The following UBE2Q1 variants were observed in gnomAD, a reference collection of about 807,000 sequenced individuals.
UBE2Q1 encodes ubiquitin-conjugating enzyme E2 Q1.
A neutral mutation model predicts 60.1 loss-of-function variants in UBE2Q1; 6 were observed. That is an observed-to-expected ratio of 0.10 (90% CI 0.05 to 0.20). The LOEUF (loss-of-function observed/expected upper bound fraction) is 0.20, where lower values mean the gene tolerates loss of function less well. Among genes scored for constraint, UBE2Q1 ranks in the 10% least tolerant of loss-of-function variants. UBE2Q1 has a pLI of 1.00. For synonymous variants in UBE2Q1, 226 were observed against 208.3 expected (o/e 1.09, Z -0.73); for missense variants, 262 against 525.8 (o/e 0.50, Z 4.91).
intron 10 of UBE2Q1, 21 bp downstream of exon 10, chr1:154,551,750 A>G: frequency 6.2e-7 from 1 of 1,614,124 alleles, no homozygotes; most frequent in Non-Finnish European, 8.5e-7. Flanking sequence ...CGGCCTGGCC[A>G]AGGAGGAGAG....
In UBE2Q1 at chr1:154,553,095, A is replaced by G. The variant is rs377041000; in HGVS notation, c.666T>C (p.Ile222=). The G allele has an allele frequency of 2.1e-4, 346 of 1,613,958 alleles. No individual in the cohort carries two copies. The highest frequency in any genetic ancestry group is 2.7e-4 in the Non-Finnish European group (323 of 1,180,032). The change falls in exon 5 of 13, where the codon ATT becomes ATC. Residue 222 remains isoleucine, a synonymous_variant. Coordinates refer to ENST00000292211, the MANE Select transcript of UBE2Q1 (RefSeq NM_017582.7). ...AEGKKSEDDG[I]GKENLAILEK... ...CTAGGATGGCCAAGTTTTCTTTTCC[A>G]ATGCCATCATCTTCAGATTTCTTGC...
chr1:154,551,289 C>T (rs967223989), intron 11 of UBE2Q1, 108 bp downstream of exon 11: 11 of 1,202,564 alleles, frequency 9.1e-6, no homozygotes, highest in South Asian at 1.3e-5. Context: ...GCCACCAGCC[C>T]GGGGGCCTTA....
chr1:154,556,449 CTG>C (rs773419277), intron 1 of UBE2Q1, among the ~76,000 whole-genome samples: 35 of 152,338 alleles, frequency 2.3e-4, no homozygotes, highest in East Asian at 2.1e-3. Context: ...AAAAACTAGA[CTG>C]TATCTCCAGA....
Position 154,551,514 on chromosome 1 carries a change from G to T in UBE2Q1, c.1075-22C>A, listed in dbSNP as rs368489560. 4.2e-4 allele frequency: 672 copies of T among 1,611,322 alleles called. 2 individuals are homozygous for T. Among genetic ancestry groups the T allele is most frequent in the Non-Finnish European group, 5.3e-4 (626 of 1,177,766 alleles). ...AGCCCTGGGTGAAGGGAAGGACAAGGCAAGCAGGTCCAGATGGAGCTTCCA... is the reference window on the plus strand; with the variant it reads ...AGCCCTGGGTGAAGGGAAGGACAAGTCAAGCAGGTCCAGATGGAGCTTCCA... On this transcript the variant is annotated intron_variant, in intron 10 of 12. Transcript: ENST00000292211.
intron 1 of UBE2Q1, among the ~76,000 whole-genome samples, chr1:154,556,726 T>C (rs1174746159): frequency 1.3e-5 from 2 of 152,188 alleles, no homozygotes; most frequent in Non-Finnish European, 2.9e-5. Context: ...CAAGTCTCCT[T>C]TATAGCCATG....
chr1:154,557,450 G>T (rs114697639), intron 1 of UBE2Q1, among the ~76,000 whole-genome samples: 2,282 of 152,308 alleles, frequency 0.015, 47 homozygotes, highest in African/African-American at 0.052. Flanking sequence ...GTATGCCTAG[G>T]ATGGAATGAC....
intron 3 of UBE2Q1, 21 bp downstream of exon 3, chr1:154,555,407 C>G (rs200486029): frequency 1.9e-6 from 3 of 1,609,312 alleles, no homozygotes; most frequent in African/African-American, 2.7e-5. Flanking sequence ...CAACAGGGCC[C>G]GAGGCTCCTC....
chr1:154,550,568 G>A (rs951599856), intron 12 of UBE2Q1, 99 bp from the exon 13 acceptor site: 5 of 1,587,352 alleles, frequency 3.1e-6, no homozygotes, highest in African/African-American at 2.7e-5. Flanking sequence ...GAGATAAGAG[G>A]ATATTGGGGA....
rs1368161927 is a variant in UBE2Q1, at chr1:154,551,194, G to A, written c.1171-190C>T. ...CCCATAGTCTTCCTTTTCCAGACCCGAAACCTCCCAAAAGTCCTAGGGGTG... is the reference window on the plus strand; with the variant it reads ...CCCATAGTCTTCCTTTTCCAGACCCAAAACCTCCCAAAAGTCCTAGGGGTG... On this transcript the variant is annotated intron_variant, in intron 11 of 12. Coordinates refer to ENST00000292211, the MANE Select transcript of UBE2Q1 (RefSeq NM_017582.7). 8 of 848,468 alleles carry A rather than the reference G, an allele frequency of 9.4e-6. No homozygotes were observed. In the Admixed American group the frequency reaches 1.0e-4, roughly 11 times the overall value. 52.6% of individuals were successfully genotyped at this position (848,468 alleles called of 1,614,324 possible).
Position 154,549,953 on chromosome 1 carries a change from T to A in UBE2Q1, c.*485A>T, listed in dbSNP as rs1007136067. The stretch of plus-strand genomic sequence containing the variant: ...CAGGGGATGGGGTGGGATGTGCGAA[T>A]AAAAATAAAGATGAGTCAAGACCAG... On this transcript the variant is annotated 3_prime_UTR_variant, in exon 13 of 13. Coordinates refer to ENST00000292211, the MANE Select transcript of UBE2Q1 (RefSeq NM_017582.7). The A allele has an allele frequency of 1.3e-5, 2 of 153,128 alleles. No homozygotes were observed. The highest frequency in any genetic ancestry group is 4.8e-5 in the African/African-American group (2 of 41,470). 9.5% of individuals were successfully genotyped at this position (153,128 alleles called of 1,614,324 possible).
At chr1:154,554,123 C>G (rs1695842741) in intron 4 of UBE2Q1, among the ~76,000 whole-genome samples, 1 of 152,194 alleles carries the variant, frequency 6.6e-6, no homozygotes, top group Non-Finnish European at 1.5e-5. Context: ...ACCACCATCA[C>G]TCATTATTCT....
In UBE2Q1 at chr1:154,549,712, C is replaced by G. The variant is rs1247912548; in HGVS notation, c.*726G>C. ...GAAAAGTAGTCCTAAGAATTAACAC[C>G]ATCGTTTCAGCCTACCACATTGTAG... On this transcript the variant is annotated 3_prime_UTR_variant, in exon 13 of 13. Transcript: ENST00000292211. 2.0e-5 allele frequency: 3 copies of G among 152,622 alleles called. No homozygotes were observed. The highest frequency in any genetic ancestry group is 2.9e-5 in the Non-Finnish European group (2 of 68,040). 9.5% of individuals were successfully genotyped at this position (152,622 alleles called of 1,614,324 possible). A position where few individuals can be genotyped will look rare whatever the true frequency, so the allele number is the denominator to read the frequency against.
chr1:154,550,268 T>C lies in UBE2Q1; in HGVS notation c.*170A>G, dbSNP rs1054395053. ...TACTTGAAACAGTTCTGTGTTTGTT[T>C]TTTTTCCTTAGCGTTTAGAATAGCC... is the stretch of plus-strand genomic sequence containing the variant. On this transcript the variant is annotated 3_prime_UTR_variant, in exon 13 of 13. Coordinates refer to ENST00000292211, the MANE Select transcript of UBE2Q1 (RefSeq NM_017582.7). The C allele has an allele frequency of 6.4e-6, 6 of 936,630 alleles. No homozygotes were observed. The highest frequency in any genetic ancestry group is 8.2e-6 in the Non-Finnish European group (5 of 608,860). The allele number at this position is 936,630 out of a possible 1,614,324, so 58.0% of individuals were successfully genotyped here.
chr1:154,550,122 C>G lies in UBE2Q1; in HGVS notation c.*316G>C, dbSNP rs1458695954. 8.6e-6 allele frequency: 3 copies of G among 349,968 alleles called. No homozygotes were observed. The highest frequency in any genetic ancestry group is 4.4e-5 in the Admixed American group (1 of 22,564). 21.7% of individuals were successfully genotyped at this position (349,968 alleles called of 1,614,324 possible). ...AATCCATAGCATAGGTAAGGAGGCT[C>G]TAGTCTGGAGCACAGCTGAGTTTCC... On this transcript the variant is annotated 3_prime_UTR_variant, in exon 13 of 13. Transcript: ENST00000292211.
intron 10 of UBE2Q1, 58 bp downstream of exon 10, chr1:154,551,713 T>C: frequency 6.2e-7 from 1 of 1,607,982 alleles, no homozygotes; most frequent in Non-Finnish European, 8.5e-7. Flanking sequence ...GTGTGTGCTG[T>C]AAAGCTCAGA....
chr1:154,550,942 T>C lies in UBE2Q1; in HGVS notation c.1233A>G (p.Lys411=). The change falls in exon 12 of 13, where the codon AAA becomes AAG. Residue 411 remains lysine, a synonymous_variant. Transcript: ENST00000292211. ...GAGTCCTGGCTCCAGCCTCACCGTT[T>C]TTTTCGTGGATCTGCACCAAGGACT... ...SYKSLVQIHE[K]NGWYTPPKED... 1 of 1,614,066 alleles carries C rather than the reference T, an allele frequency of 6.2e-7. No individual in the cohort carries two copies. The highest frequency in any genetic ancestry group is 1.1e-5 in the South Asian group (1 of 91,084).
rs1341811532 is a variant in UBE2Q1 at position 154,552,406 on chromosome 1, G to A, written c.873C>T (p.Leu291=). The change falls in exon 7 of 13, where the codon CTC becomes CTT. Residue 291 remains leucine, a splice_region_variant and synonymous_variant. Transcript: ENST00000292211. Reference sequence around the variant, plus strand: ...CCAATCCCAGAGTCCCCACTCACTTGAGGAGTTTGACATTCCAATCATACA... The same window carrying A: ...CCAATCCCAGAGTCCCCACTCACTTAAGGAGTTTGACATTCCAATCATACA... ...DSLYDWNVKL[L]KVDQDSALHN... 6.2e-7 allele frequency: 1 copy of A among 1,614,220 alleles called. No homozygotes were observed. Among genetic ancestry groups the A allele is most frequent in the African/African-American group, 1.3e-5 (1 of 75,054 alleles).
chr1:154,550,580 G>A (rs1695776623), intron 12 of UBE2Q1, 111 bp from the exon 13 acceptor site: 1 of 1,566,614 alleles, frequency 6.4e-7, no homozygotes. Context: ...TATTGGGGAG[G>A]GCTATGCTGT....
chr1:154,550,275 C>T lies in UBE2Q1; in HGVS notation c.*163G>A. The T allele has an allele frequency of 1.0e-5, 10 of 959,152 alleles. No homozygotes were observed. Among genetic ancestry groups the T allele is most frequent in the South Asian group, 5.1e-5 (3 of 58,446 alleles). The allele number at this position is 959,152 out of a possible 1,614,324, so 59.4% of individuals were successfully genotyped here. On this transcript the variant is annotated 3_prime_UTR_variant, in exon 13 of 13. Coordinates refer to ENST00000292211, the MANE Select transcript of UBE2Q1 (RefSeq NM_017582.7). ...AACAGTTCTGTGTTTGTTTTTTTTC[C>T]TTAGCGTTTAGAATAGCCATCATTG...
Sources: allele counts gnomAD v4.1 joint callset (sites outside exome capture counted in the v4.1 genomes callset), GRCh38; gene constraint gnomAD v4.1.1; transcripts MANE v1.5; gene names NCBI Gene and HGNC (gene_info 2026-07-23, HGNC 2026-07-21).